SNX24: variants seen among roughly 807,000 people sequenced by gnomAD.
The protein encoded by SNX24 is sorting nexin-24.
SNX24 carries 22 observed loss-of-function variants against 28.7 expected under a neutral mutation model. That is an observed-to-expected ratio of 0.77 (90% confidence interval 0.55 to 1.10). The LOEUF (loss-of-function observed/expected upper bound fraction) is 1.10. Ranked by LOEUF, SNX24 falls within the 50% of genes least tolerant of loss-of-function variation. The pLI is 0.00. For missense variants in SNX24, 221 were observed against 201.1 expected, an observed-to-expected ratio of 1.10 and a Z score of -0.60; for synonymous variants, 69 against 71.5, an observed-to-expected ratio of 0.96 and a Z score of 0.18.
intron 3 of SNX24, among the ~76,000 whole-genome samples, chr5:122,955,660 A>G (rs530218163): frequency 7.2e-5 from 11 of 152,288 alleles, no homozygotes; most frequent in African/African-American, 2.4e-4. Flanking sequence ...CCTCATTACC[A>G]TTAAGATGTA....
intron 5 of SNX24, among the ~76,000 whole-genome samples, chr5:123,020,233 T>C (rs547142964): frequency 1.2e-4 from 19 of 152,304 alleles, no homozygotes; most frequent in African/African-American, 4.3e-4. Context: ...TTATTTAAAA[T>C]TAAAGAGAAT....
intron 1 of SNX24, among the ~76,000 whole-genome samples, chr5:122,923,112 C>T (rs560906843): frequency 6.6e-6 from 1 of 152,202 alleles, no homozygotes; most frequent in Non-Finnish European, 1.5e-5. Flanking sequence ...AAGCAGATCG[C>T]TTGAAGCCAA....
intron 6 of SNX24, among the ~76,000 whole-genome samples, chr5:123,005,859 A>G (rs1762405794): frequency 1.3e-5 from 2 of 152,326 alleles, no homozygotes; most frequent in South Asian, 2.1e-4. Flanking sequence ...TTTCAAAGAT[A>G]TATTTCATGA....
At chr5:122,877,596 A>G (rs1334041848) in intron 1 of SNX24, among the ~76,000 whole-genome samples, 3 of 152,104 alleles carry the variant, frequency 2.0e-5, no homozygotes, top group Non-Finnish European at 4.4e-5. Context: ...CTCACTCTCT[A>G]CTCAGCACCT....
intron 1 of SNX24, among the ~76,000 whole-genome samples, chr5:122,848,570 G>A (rs1289910027): frequency 6.6e-6 from 1 of 150,954 alleles, no homozygotes; most frequent in African/African-American, 2.4e-5. Flanking sequence ...TTAGCCAGGC[G>A]TGGTGGCGGG....
rs754405089 is a variant in SNX24 at position 123,029,212 on chromosome 5, T to C, written n.384-26T>C. 9.4e-6 allele frequency: 15 copies of C among 1,599,924 alleles called. No homozygotes were observed. In the East Asian group the frequency reaches 2.9e-4, roughly 31 times the overall value. On this transcript the variant is annotated intron_variant and non_coding_transcript_variant, in intron 5 of 5. Coordinates refer to the SNX24 transcript ENST00000502387. Reference sequence around the variant, plus strand: ...CAAATGTGGTAAGGTTCATCTGACATACTAATTTAATACTTATTTTCTCAG... The same window carrying C: ...CAAATGTGGTAAGGTTCATCTGACACACTAATTTAATACTTATTTTCTCAG...
chr5:122,895,596 A>G (rs1350792454), intron 1 of SNX24, among the ~76,000 whole-genome samples: 1 of 152,136 alleles, frequency 6.6e-6, no homozygotes, highest in African/African-American at 2.4e-5. Context: ...CTGGAGGGTG[A>G]TGAATTATCA....
At chr5:122,981,431 G>A (rs1352680889) in intron 3 of SNX24, among the ~76,000 whole-genome samples, 1 of 152,146 alleles carries the variant, frequency 6.6e-6, no homozygotes, top group Non-Finnish European at 1.5e-5. Context: ...TTTTAAAAAG[G>A]TTTTACTGAG....
intron 6 of SNX24, 196 bp downstream of exon 6, chr5:123,002,200 C>T (rs1424936965): frequency 8.4e-6 from 5 of 596,106 alleles, no homozygotes; most frequent in Non-Finnish European, 1.5e-5. Context: ...TGTAATTTTT[C>T]TTTCTCTCTT....
At chr5:122,869,154 T>G (rs1755865982) in intron 1 of SNX24, among the ~76,000 whole-genome samples, 1 of 152,218 alleles carries the variant, frequency 6.6e-6, no homozygotes, top group African/African-American at 2.4e-5. Flanking sequence ...AACAATTAGA[T>G]CTCATTGTCA....
chr5:122,861,609 GC>G (rs1403796132), intron 1 of SNX24, among the ~76,000 whole-genome samples: 1 of 152,044 alleles, frequency 6.6e-6, no homozygotes, highest in East Asian at 1.9e-4. Context: ...CTTCCACAAA[GC>G]TAAAAGCCCT....
chr5:122,926,840 G>A (rs77574222), intron 1 of SNX24, among the ~76,000 whole-genome samples: 10 of 152,254 alleles, frequency 6.6e-5, no homozygotes, highest in East Asian at 1.9e-4. Flanking sequence ...AATGGGCATC[G>A]GCAGAGGTGA....
chr5:123,011,394 T>C (rs1389832378), downstream of SNX24, among the ~76,000 whole-genome samples: 2 of 152,164 alleles, frequency 1.3e-5, no homozygotes, highest in East Asian at 3.8e-4. Flanking sequence ...CTGGTGTCCT[T>C]GTTACTGCCC....
chr5:122,994,730 C>T (rs1761991104), intron 3 of SNX24, among the ~76,000 whole-genome samples: 1 of 152,058 alleles, frequency 6.6e-6, no homozygotes, highest in South Asian at 2.1e-4. Context: ...TTTATAAATG[C>T]TTTCATAGAG....
At chr5:123,007,519 T>C (rs1762456783) in intron 6 of SNX24, among the ~76,000 whole-genome samples, 163 bp from the exon 7 acceptor site, 1 of 152,226 alleles carries the variant, frequency 6.6e-6, no homozygotes, top group African/African-American at 2.4e-5. Context: ...TGAAGCAGCA[T>C]GACTGATAGC....
intron 3 of SNX24, among the ~76,000 whole-genome samples, chr5:122,981,134 C>T (rs1761377342): frequency 6.6e-6 from 1 of 152,112 alleles, no homozygotes; most frequent in East Asian, 1.9e-4. Flanking sequence ...TCATGCAAAA[C>T]ATATGTTATT....
chr5:122,991,865 T>A (rs1156805943), intron 3 of SNX24, among the ~76,000 whole-genome samples: 3 of 152,184 alleles, frequency 2.0e-5, no homozygotes, highest in Non-Finnish European at 4.4e-5. Flanking sequence ...AGTTGAGATG[T>A]TAAGATAAAA....
chr5:122,970,760 G>T lies in SNX24; in HGVS notation c.249+24601G>T, dbSNP rs118078236. Among the ~76,000 whole-genome samples the T allele has an allele frequency of 2.8e-4, 43 of 152,242 alleles. No individual in the cohort carries two copies. The East Asian group carries it at 8.3e-3, about 29-fold the overall frequency. On this transcript the variant is annotated intron_variant, in intron 3 of 6. Transcript: ENST00000261369. ...TGGAATTACAGGCATGAGCCACTGC[G>T]CCTGGCCATATTCTGCACAAATCTT...
At chr5:122,858,023 C>T (rs10036917) in intron 1 of SNX24, among the ~76,000 whole-genome samples, 40,718 of 151,972 alleles carry the variant, frequency 0.27, 6,201 homozygotes, top group Admixed American at 0.35. Context: ...CCTCATGATC[C>T]GCCCACCTCG....
Sources: gnomAD v4.1 joint callset for allele counts (sites outside exome capture counted in the v4.1 genomes callset) on GRCh38, gnomAD v4.1.1 for gene constraint, MANE v1.5 for transcripts, NCBI Gene and HGNC (gene_info 2026-07-23, HGNC 2026-07-21) for gene names.